Variants in SLC37A2 observed in about 807,000 individuals in gnomAD.
SLC37A2 encodes the protein glucose-6-phosphate exchanger SLC37A2.
Under a neutral mutation model 70.7 loss-of-function variants are expected in SLC37A2, and 59 were observed. That is an observed-to-expected ratio of 0.83 (90% CI 0.68 to 1.04). SLC37A2 has a LOEUF of 1.04. SLC37A2 is among the 50% of genes least tolerant of loss of function. The probability of loss-of-function intolerance (pLI) is 0.00; values close to 1 mark genes in which losing one functional copy is unlikely to be tolerated. For missense variants in SLC37A2, 580 were observed against 658.1 expected, an observed-to-expected ratio of 0.88 and a Z score of 1.30; for synonymous variants, 257 against 262.1, an observed-to-expected ratio of 0.98 and a Z score of 0.19.
chr11:125,079,106 C>T lies in SLC37A2; in HGVS notation c.315-6C>T, dbSNP rs375841514. On this transcript the variant is annotated splice_region_variant and splice_polypyrimidine_tract_variant and intron_variant, in intron 4 of 17. Coordinates refer to ENST00000403796, the MANE Select transcript of SLC37A2 (RefSeq NM_001145290.2). ...TTAACCGCAGATCCAACTTTCTCTT[C>T]CCCAGTGGGGTTTTTGGGGAGCGGC... 1.2e-6 allele frequency: 2 copies of T among 1,614,114 alleles called. No individual in the cohort carries two copies. Among genetic ancestry groups the T allele is most frequent in the Admixed American group, 1.7e-5 (1 of 60,014 alleles).
chr11:125,063,419 G>A lies in SLC37A2; in HGVS notation c.52G>A (p.Asp18Asn). The A allele has an allele frequency of 6.2e-7, 1 of 1,611,462 alleles. No homozygotes were observed. Among genetic ancestry groups the A allele is most frequent in the Non-Finnish European group, 8.5e-7 (1 of 1,179,080 alleles). The change falls in exon 1 of 18, where the codon GAC becomes AAC. Residue 18 changes from aspartate (D) to asparagine (N), a missense_variant. Asp to Asn is a conservative substitution (Grantham distance 23). Transcript: ENST00000403796. The surrounding 1 kb of genome is among the most constrained non-coding windows in gnomAD (Gnocchi z 5.4). The stretch of plus-strand genomic sequence containing the variant: ...CTGGTTCTTCCGGGCCTTCTCCAGG[G>A]ACAGCTGGTGAGCGGGGCAGGGGAG... Reference protein sequence around the residue: ...GVWFFRAFSRDSWFRGLILLL... With the variant: ...GVWFFRAFSRNSWFRGLILLL...
At position 125,083,719 on chromosome 11, in the gene SLC37A2, G is replaced by A. The variant is rs2135575278; in HGVS notation, c.977-96G>A. On this transcript the variant is annotated intron_variant, in intron 10 of 17. Coordinates refer to ENST00000403796, the MANE Select transcript of SLC37A2 (RefSeq NM_001145290.2). The surrounding 1 kb of genome is among the most constrained non-coding windows in gnomAD (Gnocchi z 4.6). Reference sequence around the variant, plus strand: ...CAGCTCTTCCTCGGAAAAGGGGGCAGTGGTCTGGATCACGCTCTGCAGGGC... The same window carrying A: ...CAGCTCTTCCTCGGAAAAGGGGGCAATGGTCTGGATCACGCTCTGCAGGGC... 2.7e-6 allele frequency: 3 copies of A among 1,110,964 alleles called. No individual in the cohort carries two copies. Among genetic ancestry groups the A allele is most frequent in the East Asian group, 2.4e-5 (1 of 42,104 alleles). 68.8% of individuals were successfully genotyped at this position (1,110,964 alleles called of 1,614,324 possible).
chr11:125,068,255 A>C (rs1463307403), intron 1 of SLC37A2, among the ~76,000 whole-genome samples: 5 of 152,224 alleles, frequency 3.3e-5, no homozygotes, highest in African/African-American at 1.2e-4. Flanking sequence ...AATAAAAGTC[A>C]GATGGGTTCT....
chr11:125,082,527 C>G (rs1181781837), intron 10 of SLC37A2, among the ~76,000 whole-genome samples, 193 bp downstream of exon 10: 3 of 152,078 alleles, frequency 2.0e-5, no homozygotes, highest in Admixed American at 2.0e-4. Context: ...AAACTACCCC[C>G]TAGACCCTGA....
chr11:125,067,279 A>ACC (rs1948991241), intron 1 of SLC37A2, among the ~76,000 whole-genome samples: 1 of 152,180 alleles, frequency 6.6e-6, no homozygotes, highest in Non-Finnish European at 1.5e-5. Context: ...GACATGAGCC[A>ACC]CCATGCCCAG....
chr11:125,082,377 C>T, intron 10 of SLC37A2, 43 bp downstream of exon 10: 1 of 1,569,912 alleles, frequency 6.4e-7, no homozygotes. Context: ...CTGAGGAGGC[C>T]AAGGCTGCCT....
At position 125,077,507 on chromosome 11, in the gene SLC37A2, A is replaced by G. The variant is rs767992736; in HGVS notation, c.293A>G (p.Tyr98Cys). ...GTGGACAACGCCTTCCTCATCGCCT[A>G]TGCCATCGGCATGTTCATCAGGTAA... is the stretch of plus-strand genomic sequence containing the variant. ...GGVDNAFLIA[Y>C]AIGMFISGVF... Residue 98 changes from tyrosine (Y) to cysteine (C), a missense_variant, in exon 4 of 18, where the codon TAT (tyrosine) becomes TGT (cysteine). Tyr to Cys is a radical substitution (Grantham distance 194). Coordinates refer to ENST00000403796, the MANE Select transcript of SLC37A2 (RefSeq NM_001145290.2). 5 of 1,613,836 alleles carry G rather than the reference A, an allele frequency of 3.1e-6. No homozygotes were observed. The highest frequency in any genetic ancestry group is 2.2e-5 in the East Asian group (1 of 44,872).
intron 14 of SLC37A2, 124 bp from the exon 15 acceptor site, chr11:125,085,271 T>G: frequency 8.1e-7 from 1 of 1,241,048 alleles, no homozygotes; most frequent in Non-Finnish European, 1.1e-6. Context: ...GAACGCACCA[T>G]GGGCCCCTCT....
At chr11:125,088,020 T>C in intron 17 of SLC37A2, 99 bp from the exon 18 acceptor site, 2 of 1,332,724 alleles carry the variant, frequency 1.5e-6, no homozygotes, top group Non-Finnish European at 2.1e-6. Context: ...AAAGCAATGA[T>C]GAAGGGACCC....
intron 7 of SLC37A2, among the ~76,000 whole-genome samples, chr11:125,081,151 A>G (rs1949142670): frequency 6.6e-6 from 1 of 152,030 alleles, no homozygotes. Context: ...CAGGCCAGGT[A>G]TGAGAGCCAC....
intron 1 of SLC37A2, among the ~76,000 whole-genome samples, chr11:125,069,021 G>A (rs1230643326): frequency 1.3e-5 from 2 of 152,212 alleles, no homozygotes; most frequent in Non-Finnish European, 2.9e-5. Context: ...TATCACACGA[G>A]TGTTTTGAGG....
chr11:125,081,256 C>T (rs774689399), intron 7 of SLC37A2, among the ~76,000 whole-genome samples, 165 bp from the exon 8 acceptor site: 2 of 152,074 alleles, frequency 1.3e-5, no homozygotes, highest in Non-Finnish European at 2.9e-5. Context: ...GAGCCCCAGG[C>T]CCCGCTCCCT....
At chr11:125,082,679 T>C (rs1368955758) in intron 10 of SLC37A2, among the ~76,000 whole-genome samples, 1 of 152,000 alleles carries the variant, frequency 6.6e-6, no homozygotes, top group Non-Finnish European at 1.5e-5. Flanking sequence ...GGTGGTAGCA[T>C]TGGAGGTGCT....
rs560597439 is a variant in SLC37A2, at chr11:125,064,293, C to T, written c.59+867C>T. Among the ~76,000 whole-genome samples the T allele has an allele frequency of 5.9e-5, 9 of 152,154 alleles. No homozygotes were observed. In the South Asian group the frequency reaches 1.7e-3, roughly 28 times the overall value. On this transcript the variant is annotated intron_variant, in intron 1 of 17. Coordinates refer to ENST00000403796, the MANE Select transcript of SLC37A2 (RefSeq NM_001145290.2). Reference sequence around the variant, plus strand: ...GGAGAATTACATGAGGCCAGGAGTTCGAGACCAGCCTGGCCAACATCGTGA... The same window carrying T: ...GGAGAATTACATGAGGCCAGGAGTTTGAGACCAGCCTGGCCAACATCGTGA...
intron 1 of SLC37A2, among the ~76,000 whole-genome samples, chr11:125,074,947 G>A (rs1949067614): frequency 6.6e-6 from 1 of 152,182 alleles, no homozygotes; most frequent in Non-Finnish European, 1.5e-5. Context: ...GCTGCCTGGG[G>A]GGCCTTACCG....
rs201269306 is a variant in SLC37A2 at position 125,081,476 on chromosome 11, C to T, written c.732+18C>T. 1.0e-4 allele frequency: 165 copies of T among 1,605,272 alleles called. No homozygotes were observed. The highest frequency in any genetic ancestry group is 1.3e-4 in the Non-Finnish European group (158 of 1,174,842). Reference sequence around the variant, plus strand: ...AGCACCACGTGAGTGTGAGCCCTCCCAGCCCTATCCCTGCCCTCCAACTCC... The same window carrying T: ...AGCACCACGTGAGTGTGAGCCCTCCTAGCCCTATCCCTGCCCTCCAACTCC... On this transcript the variant is annotated intron_variant, in intron 8 of 17. Coordinates refer to ENST00000403796, the MANE Select transcript of SLC37A2 (RefSeq NM_001145290.2).
At chr11:125,074,931 G>A (rs1949067430) in intron 1 of SLC37A2, among the ~76,000 whole-genome samples, 2 of 152,204 alleles carry the variant, frequency 1.3e-5, no homozygotes, top group African/African-American at 4.8e-5. Flanking sequence ...CATGAAGGCT[G>A]GTCCTGCTGC....
chr11:125,072,010 C>CA (rs1216760950), intron 1 of SLC37A2, among the ~76,000 whole-genome samples: 2 of 152,058 alleles, frequency 1.3e-5, no homozygotes, highest in Non-Finnish European at 2.9e-5. Flanking sequence ...CCTGCAGCCA[C>CA]AGCCAGCCTA....
At chr11:125,086,288 C>G (rs552628722) in intron 17 of SLC37A2, 2 of 1,553,762 alleles carry the variant, frequency 1.3e-6, no homozygotes, top group African/African-American at 2.7e-5. Flanking sequence ...GTCTGTGACT[C>G]GAGTGCCATT....
Sources: allele counts gnomAD v4.1 joint callset (sites outside exome capture counted in the v4.1 genomes callset), GRCh38; gene constraint gnomAD v4.1.1; non-coding constraint Gnocchi (gnomAD v3.1); transcripts MANE v1.5; gene names NCBI Gene and HGNC (gene_info 2026-07-23, HGNC 2026-07-21).